Variants in IL27RA observed in about 807,000 individuals in gnomAD.
IL27RA encodes interleukin-27 receptor subunit alpha.
In IL27RA, 61 loss-of-function variants were observed where a neutral mutation model predicts 80.8. That is an observed-to-expected ratio of 0.76 (90% CI 0.61 to 0.93). IL27RA has a LOEUF of 0.93. IL27RA is among the 40% of genes least tolerant of loss of function. The probability of loss-of-function intolerance (pLI) is 0.00; values close to 1 mark genes in which losing one functional copy is unlikely to be tolerated. For missense variants in IL27RA, 735 were observed against 808.1 expected (o/e 0.91, Z 1.10); for synonymous variants, 316 against 332.5 (o/e 0.95, Z 0.54).
At chr19:14,043,848 G>A (rs1408185798) in intron 6 of IL27RA, among the ~76,000 whole-genome samples, 1 of 150,856 alleles carries the variant, frequency 6.6e-6, no homozygotes, top group Admixed American at 6.6e-5. Context: ...AGGAGTTCGA[G>A]ACCAGCCTGG....
Position 14,046,525 on chromosome 19 carries a change from G to A in IL27RA, c.1048G>A (p.Glu350Lys), listed in dbSNP as rs769635409. Residue 350 changes from glutamate (E) to lysine (K), a missense_variant, in exon 8 of 14, where the codon GAG becomes AAG. Physicochemically the swap from Glu to Lys is moderately conservative, Grantham distance 56 (BLOSUM62 1). Transcript: ENST00000263379. The stretch of plus-strand genomic sequence containing the variant: ...GCAACCGGGGCCTGGGGAACCACTG[G>A]AGCATGTAGTGGACTGGGCTCGAGA... Reference protein sequence around the residue: ...TWQPGPGEPLEHVVDWARDGD... With the variant: ...TWQPGPGEPLKHVVDWARDGD... 5.0e-6 allele frequency: 8 copies of A among 1,614,004 alleles called. No individual in the cohort carries two copies. Among genetic ancestry groups the A allele is most frequent in the African/African-American group, 2.7e-5 (2 of 74,906 alleles).
At position 14,039,504 on chromosome 19, in the gene IL27RA, A is replaced by C. The variant is rs755422744; in HGVS notation, c.219-4A>C. On this transcript the variant is annotated splice_polypyrimidine_tract_variant and splice_region_variant and intron_variant, in intron 2 of 13. Coordinates refer to ENST00000263379, the MANE Select transcript of IL27RA (RefSeq NM_004843.4). ...GCATCTCATCCCCGCCTCTCTCCTC[A>C]CAGCCGTTCCAACAAAACCCAGACT... 5.6e-6 allele frequency: 9 copies of C among 1,610,502 alleles called. No homozygotes were observed. In the African/African-American group the frequency reaches 1.2e-4, roughly 22 times the overall value.
At position 14,031,823 on chromosome 19, in the gene IL27RA, C is replaced by A; in HGVS notation, c.-50C>A. 6.8e-7 allele frequency: 1 copy of A among 1,476,852 alleles called. No homozygotes were observed. Among genetic ancestry groups the A allele is most frequent in the Non-Finnish European group, 9.2e-7 (1 of 1,091,526 alleles). The allele number at this position is 1,476,852 out of a possible 1,614,324, so 91.5% of individuals were successfully genotyped here. On this transcript the variant is annotated 5_prime_UTR_variant, in exon 1 of 14. Coordinates refer to ENST00000263379, the MANE Select transcript of IL27RA (RefSeq NM_004843.4). ...AGAGCTCGAAGAGGAGCAGCGCGGC[C>A]GCGCGGACCCGGCAAGGCTGGGCCG...
intron 10 of IL27RA, among the ~76,000 whole-genome samples, chr19:14,050,153 A>G (rs1018595721): frequency 2.0e-5 from 3 of 151,760 alleles, no homozygotes; most frequent in African/African-American, 7.3e-5. Context: ...TCATGCAAAG[A>G]CAAACTAAAT....
At chr19:14,043,715 C>A (rs930390210) in intron 6 of IL27RA, among the ~76,000 whole-genome samples, 1 of 151,676 alleles carries the variant, frequency 6.6e-6, no homozygotes. Flanking sequence ...GGAGCCACCG[C>A]GCCTGGCCTG....
chr19:14,042,728 T>C lies in IL27RA; in HGVS notation c.707T>C (p.Val236Ala), dbSNP rs201013102. 4.3e-6 allele frequency: 7 copies of C among 1,613,998 alleles called. No individual in the cohort carries two copies. The African/African-American group carries it at 5.3e-5, about 12-fold the overall frequency. Residue 236 changes from valine to alanine, a missense_variant, in exon 6 of 14, where the codon GTG becomes GCG. Coordinates refer to ENST00000263379, the MANE Select transcript of IL27RA (RefSeq NM_004843.4). ...TCATCCTTGCCAGCTCCAAAAGATG[T>C]GTGGGTATCAGGGAACCTCTGTGGG... ...FQTPPSAPKDVWVSGNLCGTP... is the reference protein window; with the variant it reads ...FQTPPSAPKDAWVSGNLCGTP...
At chr19:14,035,195 C>T (rs1239287663) in intron 2 of IL27RA, among the ~76,000 whole-genome samples, 1 of 151,862 alleles carries the variant, frequency 6.6e-6, no homozygotes, top group African/African-American at 2.4e-5. Flanking sequence ...CAGGGTTTTA[C>T]CATGTTGCCC....
rs923546057 is a variant in IL27RA at position 14,031,977 on chromosome 19, G to A, written c.100+5G>A. On this transcript the variant is annotated splice_donor_5th_base_variant and intron_variant, in intron 1 of 13. Transcript: ENST00000263379. ...TCCAGCGGACGCGTCCCCAGGGTGA[G>A]TGCTGGAGGGAGCTCGTGTCCCGGG... 8 of 1,605,270 alleles carry A rather than the reference G, an allele frequency of 5.0e-6. No homozygotes were observed. The highest frequency in any genetic ancestry group is 1.3e-5 in the African/African-American group (1 of 74,642).
At chr19:14,034,614 C>T (rs1292353465) in intron 2 of IL27RA, among the ~76,000 whole-genome samples, 4 of 148,206 alleles carry the variant, frequency 2.7e-5, no homozygotes, top group Non-Finnish European at 5.9e-5. Flanking sequence ...GAGCCAAGAT[C>T]GCGCCACTGT....
At chr19:14,041,272 A>G (rs949813166) in intron 4 of IL27RA, among the ~76,000 whole-genome samples, 1 of 151,124 alleles carries the variant, frequency 6.6e-6, no homozygotes, top group African/African-American at 2.4e-5. Flanking sequence ...ATCTCAACTC[A>G]CTGCAACCTC....
At chr19:14,042,685 C>A (rs1207458928) in intron 5 of IL27RA, 31 bp from the exon 6 acceptor site, 12 of 1,613,772 alleles carry the variant, frequency 7.4e-6, no homozygotes, top group Non-Finnish European at 1.0e-5. Flanking sequence ...ATGTCCCACT[C>A]ATTTGTTCCC....
At chr19:14,047,124 A>G (rs1033473162) in intron 8 of IL27RA, among the ~76,000 whole-genome samples, 3 of 149,830 alleles carry the variant, frequency 2.0e-5, no homozygotes, top group Non-Finnish European at 4.5e-5. Flanking sequence ...GCTCACTGCA[A>G]CTTCCATCTC....
chr19:14,032,048 G>T, intron 1 of IL27RA, 76 bp downstream of exon 1: 1 of 1,310,426 alleles, frequency 7.6e-7, no homozygotes. Flanking sequence ...TCCAGGATAA[G>T]CCACGCGTAT....
rs1976115980 is a variant in IL27RA, at chr19:14,049,088, AGT to A, written c.1243+8_1243+9del. The stretch of plus-strand genomic sequence containing the variant: ...GGGGTTCAGGGAGGAATTAGGTAAG[AGT>A]GGGGCTGGAGGATGGGGGGGCTTCT... On this transcript the variant is annotated splice_region_variant and intron_variant, in intron 9 of 13. Coordinates refer to ENST00000263379, the MANE Select transcript of IL27RA (RefSeq NM_004843.4). The A allele has an allele frequency of 6.2e-7, 1 of 1,613,182 alleles. No individual in the cohort carries two copies. Among genetic ancestry groups the A allele is most frequent in the Non-Finnish European group, 8.5e-7 (1 of 1,179,526 alleles).
chr19:14,033,700 C>T (rs759077676), intron 2 of IL27RA, among the ~76,000 whole-genome samples: 8 of 147,890 alleles, frequency 5.4e-5, no homozygotes, highest in Admixed American at 2.0e-4. Context: ...GGCGTGGTGG[C>T]TCACGCCTAT....
intron 4 of IL27RA, among the ~76,000 whole-genome samples, chr19:14,040,779 G>A (rs775342733): frequency 4.0e-5 from 6 of 151,454 alleles, no homozygotes; most frequent in South Asian, 2.1e-4. Context: ...AGCTGAGATC[G>A]TGCCACTGCA....
chr19:14,036,840 ATT>A (rs149297021), intron 2 of IL27RA, among the ~76,000 whole-genome samples: 3 of 129,488 alleles, frequency 2.3e-5, no homozygotes. Flanking sequence ...TGTATACCAC[ATT>A]TTTTTTTTTT....
chr19:14,042,723 A>G lies in IL27RA; in HGVS notation c.702A>G (p.Lys234=), dbSNP rs1420439612. ...LSFQTPPSAP[K]DVWVSGNLCG... ...TTTCCTCATCCTTGCCAGCTCCAAAAGATGTGTGGGTATCAGGGAACCTCT... is the reference window on the plus strand; with the variant it reads ...TTTCCTCATCCTTGCCAGCTCCAAAGGATGTGTGGGTATCAGGGAACCTCT... The change falls in exon 6 of 14, where the codon AAA becomes AAG. Residue 234 remains lysine (K), a synonymous_variant. Transcript: ENST00000263379. 6.2e-7 allele frequency: 1 copy of G among 1,614,182 alleles called. No individual in the cohort carries two copies. Among genetic ancestry groups the G allele is most frequent in the South Asian group, 1.1e-5 (1 of 91,090 alleles).
intron 3 of IL27RA, 35 bp from the exon 4 acceptor site, chr19:14,039,718 C>T (rs538985417): frequency 6.0e-5 from 96 of 1,609,844 alleles, no homozygotes; most frequent in Non-Finnish European, 7.9e-5. Flanking sequence ...TCTTGGAGGG[C>T]GTGGCTCACT....
Sources: gnomAD v4.1 joint callset for allele counts (sites outside exome capture counted in the v4.1 genomes callset) on GRCh38, gnomAD v4.1.1 for gene constraint, MANE v1.5 for transcripts, NCBI Gene and HGNC (gene_info 2026-07-23, HGNC 2026-07-21) for gene names.